Variants in FAT3 observed in about 807,000 individuals in gnomAD.
FAT3 encodes the protein FAT atypical cadherin 3, also known as protocadherin Fat 3.
FAT3 carries 95 observed loss-of-function variants against 310.2 expected under a neutral mutation model. The observed-to-expected ratio is 0.31, with a 90% CI of 0.26 to 0.36. FAT3 has a LOEUF of 0.36. Ranked by LOEUF, FAT3 falls within the 10% of genes least tolerant of loss-of-function variation. The probability of loss-of-function intolerance (pLI) is 1.00; values close to 1 mark genes in which losing one functional copy is unlikely to be tolerated. For missense variants in FAT3, 5,408 were observed against 5,715.6 expected (o/e 0.95, Z 1.74); for synonymous variants, 2,314 against 2,192.9 (o/e 1.06, Z -1.54).
At chr11:92,463,092 C>CTT (rs1951675379) in intron 2 of FAT3, among the ~76,000 whole-genome samples, 1 of 152,212 alleles carries the variant, frequency 6.6e-6, no homozygotes, top group Admixed American at 6.5e-5. Context: ...ATTTGATGTG[C>CTT]TTTGGAAGCA....
chr11:92,254,033 A>G (rs1865223621), intron 1 of FAT3, among the ~76,000 whole-genome samples: 1 of 152,192 alleles, frequency 6.6e-6, no homozygotes, highest in African/African-American at 2.4e-5. Context: ...CAGAAGCTCC[A>G]AATTCAAAGC....
At chr11:92,294,667 C>A (rs914356864) in intron 1 of FAT3, among the ~76,000 whole-genome samples, 1 of 72,994 alleles carries the variant, frequency 1.4e-5, no homozygotes, top group East Asian at 2.6e-4. Context: ...CCTGATTTTG[C>A]CTTTTTTTTT....
Position 92,353,522 on chromosome 11 carries a change from A to G in FAT3, c.1410A>G (p.Pro470=). 6.2e-7 allele frequency: 1 copy of G among 1,613,716 alleles called. No individual in the cohort carries two copies. The highest frequency in any genetic ancestry group is 1.1e-5 in the South Asian group (1 of 91,052). ...TAGAAGATGCAAATGACCACACCCC[A>G]GAATTTCAGCAACCACTGTATGATG... ...ISIEDANDHT[P]EFQQPLYDAY... Residue 470 remains proline (P), a synonymous_variant, in exon 2 of 28, where the codon CCA becomes CCG. Coordinates refer to ENST00000525166, the MANE Select transcript of FAT3 (RefSeq NM_001367949.2).
chr11:92,764,983 T>C lies in FAT3; in HGVS notation c.4089T>C (p.Asp1363=). ...CTTCACCTATACCATTGACCTTCGATGAGCCGTTTTATAACTTCACAGTCA... is the reference window on the plus strand; with the variant it reads ...CTTCACCTATACCATTGACCTTCGACGAGCCGTTTTATAACTTCACAGTCA... ...PPPSPIPLTF[D]EPFYNFTVME... The change falls in exon 6 of 28, where the codon GAT becomes GAC. Residue 1363 remains aspartate, a synonymous_variant. Coordinates refer to ENST00000525166, the MANE Select transcript of FAT3 (RefSeq NM_001367949.2). 6.2e-7 allele frequency: 1 copy of C among 1,613,796 alleles called. No individual in the cohort carries two copies. Among genetic ancestry groups the C allele is most frequent in the South Asian group, 1.1e-5 (1 of 91,058 alleles).
intron 1 of FAT3, among the ~76,000 whole-genome samples, chr11:92,231,250 GA>G (rs755784621): frequency 3.3e-5 from 5 of 152,098 alleles, no homozygotes; most frequent in Non-Finnish European, 7.4e-5. Flanking sequence ...CTTTGTCACA[GA>G]ACACCTCAGA....
intron 2 of FAT3, among the ~76,000 whole-genome samples, chr11:92,432,080 A>G (rs1950796791): frequency 6.6e-6 from 1 of 152,138 alleles, no homozygotes; most frequent in Non-Finnish European, 1.5e-5. Flanking sequence ...TCTATAAATT[A>G]CCTTGGGCAG....
chr11:92,799,746 C>A lies in FAT3; in HGVS notation c.6733C>A (p.Pro2245Thr). 1 of 1,612,698 alleles carries A rather than the reference C, an allele frequency of 6.2e-7. No individual in the cohort carries two copies. The highest frequency in any genetic ancestry group is 1.1e-5 in the South Asian group (1 of 90,852). The change falls in exon 10 of 28, where the codon CCT becomes ACT. Residue 2245 changes from proline to threonine, a missense_variant. Pro to Thr is a conservative substitution (Grantham distance 38, BLOSUM62 -1). Around this residue, in one of 5 missense-constraint regions of FAT3, gnomAD observed 4,588 missense variants for 4,809.8 expected, o/e 0.95. Transcript: ENST00000525166. ...CACTGGGGTCCTGAAAGTTGTTAGC[C>A]CTTTGGATTATGAAGTTACATCTGC... The part of the protein sequence containing the change: ...FDTGVLKVVS[P>T]LDYEVTSAYK...
intron 2 of FAT3, among the ~76,000 whole-genome samples, chr11:92,435,039 C>T (rs1950893669): frequency 6.6e-6 from 1 of 152,070 alleles, no homozygotes; most frequent in South Asian, 2.1e-4. Flanking sequence ...GCAGAAAAAC[C>T]ACAACTGCTT....
intron 3 of FAT3, among the ~76,000 whole-genome samples, chr11:92,595,759 C>T (rs1215691561): frequency 2.0e-5 from 3 of 152,280 alleles, no homozygotes; most frequent in Non-Finnish European, 4.4e-5. Flanking sequence ...AATATGACCT[C>T]ATTTATATGG....
chr11:92,834,794 A>G, intron 14 of FAT3, 76 bp from the exon 15 acceptor site: 1 of 1,272,346 alleles, frequency 7.9e-7, no homozygotes, highest in Non-Finnish European at 1.1e-6. Flanking sequence ...GATGTTAGAA[A>G]TATTACCATG....
chr11:92,436,004 TA>T (rs1950931267), intron 2 of FAT3, among the ~76,000 whole-genome samples: 2 of 152,224 alleles, frequency 1.3e-5, no homozygotes, highest in Non-Finnish European at 2.9e-5. Context: ...ACACATGAAT[TA>T]AAGCACATGT....
At chr11:92,730,745 A>G (rs1208849956) in intron 4 of FAT3, among the ~76,000 whole-genome samples, 2 of 152,234 alleles carry the variant, frequency 1.3e-5, no homozygotes, top group East Asian at 3.8e-4. Flanking sequence ...AATTCTGCTT[A>G]GTTCCACAAT....
intron 19 of FAT3, among the ~76,000 whole-genome samples, chr11:92,848,265 A>G (rs1335440114): frequency 1.3e-5 from 2 of 152,214 alleles, no homozygotes; most frequent in South Asian, 2.1e-4. Context: ...TTTGGTGCCA[A>G]ATAAGCTTAT....
chr11:92,811,079 T>C (rs1947659229), intron 13 of FAT3, among the ~76,000 whole-genome samples: 1 of 152,214 alleles, frequency 6.6e-6, no homozygotes, highest in Non-Finnish European at 1.5e-5. Flanking sequence ...GAATTATTGC[T>C]GTTACCTCAT....
chr11:92,510,434 G>A (rs1953254408), intron 2 of FAT3, among the ~76,000 whole-genome samples: 1 of 152,134 alleles, frequency 6.6e-6, no homozygotes, highest in Non-Finnish European at 1.5e-5. Flanking sequence ...AAAACAGAGT[G>A]CAAGCTGTAC....
intron 1 of FAT3, among the ~76,000 whole-genome samples, chr11:92,343,539 A>G (rs557693445): frequency 6.6e-6 from 1 of 152,296 alleles, no homozygotes; most frequent in African/African-American, 2.4e-5. Context: ...GTAAAACTAG[A>G]TAAGAAAAAT....
At chr11:92,446,540 C>T (rs2135101210) in intron 2 of FAT3, among the ~76,000 whole-genome samples, 1 of 151,560 alleles carries the variant, frequency 6.6e-6, no homozygotes, top group Admixed American at 6.6e-5. Context: ...TTAGAATAAG[C>T]TTCTCAATAA....
At chr11:92,235,512 T>G (rs1191614529) in intron 1 of FAT3, among the ~76,000 whole-genome samples, 1 of 152,214 alleles carries the variant, frequency 6.6e-6, no homozygotes, top group African/African-American at 2.4e-5. Context: ...ATATTAACCT[T>G]TGGTCTCCCA....
chr11:92,644,830 C>G (rs1394836885), intron 3 of FAT3, among the ~76,000 whole-genome samples: 3 of 152,204 alleles, frequency 2.0e-5, no homozygotes, highest in Non-Finnish European at 4.4e-5. Flanking sequence ...AATCCTTTCT[C>G]TAACATGCGT....
Sources: allele counts gnomAD v4.1 joint callset (sites outside exome capture counted in the v4.1 genomes callset), GRCh38; gene constraint gnomAD v4.1.1; regional missense constraint gnomAD v4.1.1; transcripts MANE v1.5; gene names NCBI Gene and HGNC (gene_info 2026-07-23, HGNC 2026-07-21).